The following ZCCHC2 variants were observed in gnomAD, a reference collection of about 807,000 sequenced individuals.
ZCCHC2 encodes the protein zinc finger CCHC-type containing 2.
ZCCHC2 carries 39 observed loss-of-function variants against 103.6 expected under a neutral mutation model. The observed-to-expected ratio is 0.38, with a 90% CI of 0.29 to 0.49. ZCCHC2 has a LOEUF of 0.49. Among genes scored for constraint, ZCCHC2 ranks in the 20% least tolerant of loss-of-function variants. The pLI is 0.96. For synonymous variants in ZCCHC2, 687 were observed against 608.9 expected (o/e 1.13, Z -1.89); for missense variants, 1,483 against 1,491.0 (o/e 0.99, Z 0.09).
intron 12 of ZCCHC2, among the ~76,000 whole-genome samples, chr18:62,573,230 T>C (rs1916660124): frequency 6.6e-6 from 1 of 152,186 alleles, no homozygotes; most frequent in South Asian, 2.1e-4. Flanking sequence ...GAATGGTCTG[T>C]GTATACATCA....
intron 13 of ZCCHC2, among the ~76,000 whole-genome samples, chr18:62,576,044 C>T (rs3905428): frequency 6.8e-6 from 1 of 147,616 alleles, no homozygotes; most frequent in African/African-American, 2.5e-5. Context: ...AAAAAAAGGT[C>T]CAAGATTCTA....
At chr18:62,541,085 T>C (rs1915153232) in intron 2 of ZCCHC2, among the ~76,000 whole-genome samples, 1 of 152,246 alleles carries the variant, frequency 6.6e-6, no homozygotes, top group Non-Finnish European at 1.5e-5. Context: ...CAGAAGATTT[T>C]TGTTGAATGG....
At chr18:62,540,364 A>G (rs1915118026) in intron 2 of ZCCHC2, among the ~76,000 whole-genome samples, 1 of 152,100 alleles carries the variant, frequency 6.6e-6, no homozygotes. Flanking sequence ...TCTGGGCTTT[A>G]AAAGAGCCAA....
At chr18:62,546,941 C>T (rs1351223223) in intron 4 of ZCCHC2, among the ~76,000 whole-genome samples, 3 of 152,168 alleles carry the variant, frequency 2.0e-5, no homozygotes, top group Non-Finnish European at 4.4e-5. Context: ...GCAACGTGTA[C>T]TTCTGGAAAC....
At position 62,523,259 on chromosome 18, in the gene ZCCHC2, GCCACC is replaced by G; in HGVS notation, c.-165_-161del. The G allele has an allele frequency of 1.8e-6, 1 of 554,260 alleles. No homozygotes were observed. Among genetic ancestry groups the G allele is most frequent in the Non-Finnish European group, 2.3e-6 (1 of 436,202 alleles). The allele number at this position is 554,260 out of a possible 1,614,324, so 34.3% of individuals were successfully genotyped here. A position where few individuals can be genotyped will look rare whatever the true frequency, so the allele number is the denominator to read the frequency against. ...ACGACGCCAGCGACCCCGCCGGCCG[GCCACC>G]GCCCCCCTCGCCGGCCGAGACCCGC... is the stretch of plus-strand genomic sequence containing the variant. On this transcript the variant is annotated 5_prime_UTR_variant, in exon 1 of 14. Coordinates refer to ENST00000269499, the MANE Select transcript of ZCCHC2 (RefSeq NM_017742.6).
At chr18:62,529,933 A>G (rs1914610404) in intron 1 of ZCCHC2, among the ~76,000 whole-genome samples, 2 of 152,262 alleles carry the variant, frequency 1.3e-5, no homozygotes, top group South Asian at 4.1e-4. Context: ...ATCCAAAACA[A>G]TACAGTATAA....
At position 62,524,249 on chromosome 18, in the gene ZCCHC2, C is replaced by G. The variant is rs1381962756; in HGVS notation, c.825C>G (p.His275Gln). ...CGCTGCACCCGGCTTTCTCCTTCCA[C>G]CAGCGGGTCACCCTGAGGGAACACT... ...MASLHPAFSF[H>Q]QRVTLREHLE... The change falls in exon 1 of 14, where the codon CAC becomes CAG. Residue 275 changes from histidine to glutamine, a missense_variant. His to Gln is a conservative substitution (Grantham distance 24). This residue lies in a region of ZCCHC2 where 568 missense variants were observed against 525.1 expected (regional missense o/e 1.08). Coordinates refer to ENST00000269499, the MANE Select transcript of ZCCHC2 (RefSeq NM_017742.6). 1.3e-6 allele frequency: 2 copies of G among 1,550,092 alleles called. No individual in the cohort carries two copies. Among genetic ancestry groups the G allele is most frequent in the African/African-American group, 2.7e-5 (2 of 72,972 alleles).
chr18:62,528,867 A>T (rs1318231792), intron 1 of ZCCHC2, among the ~76,000 whole-genome samples: 1 of 152,148 alleles, frequency 6.6e-6, no homozygotes, highest in Non-Finnish European at 1.5e-5. Context: ...GCACTAAAAA[A>T]GATGATTTTT....
At chr18:62,547,989 G>A (rs1431647750) in intron 4 of ZCCHC2, among the ~76,000 whole-genome samples, 2 of 152,142 alleles carry the variant, frequency 1.3e-5, no homozygotes, top group Non-Finnish European at 2.9e-5. Flanking sequence ...CAGTGCCTGG[G>A]GCACAGTAGG....
At chr18:62,571,755 A>C (rs1916607292) in intron 12 of ZCCHC2, among the ~76,000 whole-genome samples, 1 of 152,344 alleles carries the variant, frequency 6.6e-6, no homozygotes, top group South Asian at 2.1e-4. Flanking sequence ...TAAGATCCTT[A>C]CCACATATTG....
intron 1 of ZCCHC2, among the ~76,000 whole-genome samples, chr18:62,532,437 G>A (rs900770815): frequency 2.0e-5 from 3 of 152,138 alleles, no homozygotes; most frequent in African/African-American, 4.8e-5. Context: ...ACTTCTAATC[G>A]TTTAATACTA....
intron 6 of ZCCHC2, 102 bp downstream of exon 6, chr18:62,556,399 GGAATA>G: frequency 2.3e-6 from 2 of 863,074 alleles, no homozygotes; most frequent in Non-Finnish European, 3.5e-6. Flanking sequence ...TTAAAGTTAA[GGAATA>G]GTGACATACA....
chr18:62,562,302 G>A (rs548915836), intron 8 of ZCCHC2, among the ~76,000 whole-genome samples: 17 of 151,908 alleles, frequency 1.1e-4, no homozygotes, highest in South Asian at 2.1e-4. Flanking sequence ...GTGCCCAGCC[G>A]TCCCATGTCT....
chr18:62,536,255 CAGA>C (rs1914917603), intron 1 of ZCCHC2, among the ~76,000 whole-genome samples: 1 of 152,214 alleles, frequency 6.6e-6, no homozygotes, highest in Non-Finnish European at 1.5e-5. Flanking sequence ...AGCGATAGGA[CAGA>C]AGAAGCTCTG....
chr18:62,559,650 G>A (rs1305569744), intron 7 of ZCCHC2, among the ~76,000 whole-genome samples: 2 of 152,236 alleles, frequency 1.3e-5, no homozygotes, highest in Non-Finnish European at 2.9e-5. Flanking sequence ...ACCTGCAAAA[G>A]GGGACATGGG....
Position 62,523,991 on chromosome 18 carries a change from C to T in ZCCHC2, c.567C>T (p.Gly189=), listed in dbSNP as rs1238103500. The change falls in exon 1 of 14, where the codon GGC becomes GGT. Residue 189 remains glycine (G), a synonymous_variant. Coordinates refer to ENST00000269499, the MANE Select transcript of ZCCHC2 (RefSeq NM_017742.6). ...LLGSENREAA[G]RLHRLLPQVD... ...GCTCGGAGAACCGGGAGGCCGCTGG[C>T]CGTCTGCACCGCCTGCTACCCCAGG... The T allele has an allele frequency of 2.0e-6, 3 of 1,485,826 alleles. No homozygotes were observed. Among genetic ancestry groups the T allele is most frequent in the South Asian group, 2.6e-5 (2 of 76,354 alleles). The allele number at this position is 1,485,826 out of a possible 1,614,324, so 92.0% of individuals were successfully genotyped here. A position where few individuals can be genotyped will look rare whatever the true frequency, so the allele number is the denominator to read the frequency against.
At chr18:62,559,986 A>T (rs989884336) in intron 7 of ZCCHC2, among the ~76,000 whole-genome samples, 2 of 152,238 alleles carry the variant, frequency 1.3e-5, no homozygotes, top group Non-Finnish European at 2.9e-5. Flanking sequence ...ATGTGCATAG[A>T]TTACATGCAA....
At chr18:62,552,440 T>C (rs1207132466) in intron 5 of ZCCHC2, 2 of 152,204 alleles carry the variant, frequency 1.3e-5, no homozygotes, top group Non-Finnish European at 2.9e-5. Context: ...ACATAGGAAA[T>C]ACTCACTGAT....
chr18:62,527,903 A>G (rs1380831065), intron 1 of ZCCHC2, among the ~76,000 whole-genome samples: 1 of 152,248 alleles, frequency 6.6e-6, no homozygotes, highest in Non-Finnish European at 1.5e-5. Flanking sequence ...TTGAAAAGAC[A>G]GGAAGCAAGA....
Sources: allele counts gnomAD v4.1 joint callset (sites outside exome capture counted in the v4.1 genomes callset), GRCh38; gene constraint gnomAD v4.1.1; regional missense constraint gnomAD v4.1.1; transcripts MANE v1.5; gene names NCBI Gene and HGNC (gene_info 2026-07-23, HGNC 2026-07-21).